Variants in DNAH12 observed in about 807,000 individuals in gnomAD.
DNAH12 encodes the protein axonemal beta dynein heavy chain 12.
A neutral mutation model predicts 371.5 loss-of-function variants in DNAH12; 285 were observed. The observed-to-expected ratio is 0.77, with a 90% CI of 0.70 to 0.85. The LOEUF is 0.85. DNAH12 is among the 40% of genes least tolerant of loss of function. The probability of loss-of-function intolerance (pLI) is 0.00; values close to 1 mark genes in which losing one functional copy is unlikely to be tolerated. For missense variants in DNAH12, 3,611 were observed against 3,689.4 expected, an observed-to-expected ratio of 0.98 and a Z score of 0.55; for synonymous variants, 1,200 against 1,213.0, an observed-to-expected ratio of 0.99 and a Z score of 0.22.
At chr3:57,331,650 A>T (rs1232836415) in intron 62 of DNAH12, among the ~76,000 whole-genome samples, 1 of 152,190 alleles carries the variant, frequency 6.6e-6, no homozygotes, top group Non-Finnish European at 1.5e-5. Context: ...AAAAAGAAGG[A>T]AGAAACGAAG....
At position 57,483,397 on chromosome 3, in the gene DNAH12, T is replaced by G. The variant is rs2066817739; in HGVS notation, c.1629A>C (p.Glu543Asp). ...TTACCTGGATCCTTAAAATCAACTC[T>G]TCGATTCCTACAGTCCGGGCTTTTT... ...YVEKARTVGI[E>D]ELILRIQESK... The change falls in exon 13 of 74, where the codon GAA (glutamate) becomes GAC (aspartate). Residue 543 changes from glutamate to aspartate, a missense_variant. By Grantham distance (45) the Glu-to-Asp change is conservative (BLOSUM62 2). This residue lies in a region of DNAH12 where 1,314 missense variants were observed against 1,398.7 expected (regional missense o/e 0.94). Coordinates refer to ENST00000495027, the MANE Select transcript of DNAH12 (RefSeq NM_001366028.2). 24 of 1,546,798 alleles carry G rather than the reference T, an allele frequency of 1.6e-5. No individual in the cohort carries two copies. The highest frequency in any genetic ancestry group is 2.1e-5 in the Non-Finnish European group (24 of 1,145,942).
chr3:57,512,557 A>G (rs980326991), intron 4 of DNAH12: 3 of 152,238 alleles, frequency 2.0e-5, no homozygotes, highest in Admixed American at 6.5e-5. Flanking sequence ...CATATTTTTG[A>G]AACAGTAGAT....
intron 43 of DNAH12, among the ~76,000 whole-genome samples, chr3:57,396,290 CA>C (rs1159748997): frequency 3.7e-3 from 257 of 68,744 alleles, no homozygotes; most frequent in African/African-American, 8.6e-3. Flanking sequence ...AAAAAAAAAA[CA>C]AAAAAAAAAA....
chr3:57,498,925 G>C (rs1344711805), intron 11 of DNAH12, among the ~76,000 whole-genome samples: 1 of 152,064 alleles, frequency 6.6e-6, no homozygotes, highest in Non-Finnish European at 1.5e-5. Context: ...CTTGAACCTG[G>C]GAGGCGGAGG....
chr3:57,504,178 T>C lies in DNAH12; in HGVS notation c.924A>G (p.Val308=), dbSNP rs1356265899. 1 of 1,613,416 alleles carries C rather than the reference T, an allele frequency of 6.2e-7. No homozygotes were observed. Among genetic ancestry groups the C allele is most frequent in the Non-Finnish European group, 8.5e-7 (1 of 1,179,648 alleles). The change falls in exon 9 of 74, where the codon GTA becomes GTG. Residue 308 remains valine, a synonymous_variant. Coordinates refer to ENST00000495027, the MANE Select transcript of DNAH12 (RefSeq NM_001366028.2). ...GGTCAAAGAGTTTTACAAATCCTTC[T>C]ACAGTTCTCCTTAATAGATCCTTTA... is the stretch of plus-strand genomic sequence containing the variant. ...NQLKDLLRRT[V]EGFVKLFDPK... is the part of the protein sequence containing the mutation.
Position 57,472,594 on chromosome 3 carries a change from G to A in DNAH12, c.1728C>T (p.Val576=). The A allele has an allele frequency of 1.2e-5, 19 of 1,549,174 alleles. No homozygotes were observed. Among genetic ancestry groups the A allele is most frequent in the East Asian group, 7.4e-5 (3 of 40,782 alleles). ...PQEDLALNAT[V]LMWPRKINPI... is the part of the protein sequence containing the mutation. ...GATTAATTTTCCTAGGCCACATGAG[G>A]ACAGTTGCATTTAAAGCTAAGTCTT... Residue 576 remains valine, a synonymous_variant, in exon 14 of 74, where the codon GTC becomes GTT. Transcript: ENST00000495027.
Position 57,296,385 on chromosome 3 carries a change from G to A in DNAH12, c.11583C>T (p.Ile3861=). ...GTGCGCCATCGAGATACAGTCCGTGGATATAAACACCATCTTCTGGTGATG... is the reference window on the plus strand; with the variant it reads ...GTGCGCCATCGAGATACAGTCCGTGAATATAAACACCATCTTCTGGTGATG... ...SDTSPEDGVY[I]HGLYLDGARW... The change falls in exon 72 of 74, where the codon ATC becomes ATT. Residue 3861 remains isoleucine (I), a synonymous_variant. Coordinates refer to ENST00000495027, the MANE Select transcript of DNAH12 (RefSeq NM_001366028.2). 6.4e-7 allele frequency: 1 copy of A among 1,550,956 alleles called. No individual in the cohort carries two copies.
chr3:57,455,544 T>G (rs2065879472), intron 22 of DNAH12, among the ~76,000 whole-genome samples: 1 of 151,790 alleles, frequency 6.6e-6, no homozygotes, highest in South Asian at 2.1e-4. Context: ...CACTCCAGCC[T>G]GGGCAACAGA....
chr3:57,474,751 G>C (rs2066470602), intron 13 of DNAH12, among the ~76,000 whole-genome samples: 12 of 152,176 alleles, frequency 7.9e-5, no homozygotes, highest in Admixed American at 7.9e-4. Flanking sequence ...GAGGTCAAGA[G>C]ATGGAGACCA....
intron 29 of DNAH12, among the ~76,000 whole-genome samples, chr3:57,439,955 T>G (rs771834306): frequency 2.0e-5 from 3 of 151,834 alleles, no homozygotes; most frequent in Non-Finnish European, 4.4e-5. Context: ...GTCAGAGAAA[T>G]GCAAATCAAA....
chr3:57,429,650 A>G, intron 33 of DNAH12, 41 bp downstream of exon 33: 4 of 1,488,760 alleles, frequency 2.7e-6, no homozygotes, highest in Non-Finnish European at 3.6e-6. Flanking sequence ...TAAAGAATGA[A>G]GAAATGAACA....
intron 70 of DNAH12, 44 bp downstream of exon 70, chr3:57,301,677 TACACACACACACAC>T (rs57748737): frequency 0.14 from 161,281 of 1,146,596 alleles, 7,728 homozygotes; most frequent in Middle Eastern, 0.21. Flanking sequence ...ACATGTATTT[TACACACACACACAC>T]ACACACACAC....
chr3:57,301,914 G>C lies in DNAH12; in HGVS notation c.11215C>G (p.Leu3739Val), dbSNP rs2061356429. ...TTAATAGCTTTTTCAAGGTCCCGTA[G>C]AGTGTTACGTATAGTTATAATTAAA... ...NNLIITIRNT[L>V]RDLEKAIKGV... The change falls in exon 70 of 74, where the codon CTA becomes GTA. Residue 3739 changes from leucine to valine, a missense_variant. By Grantham distance (32) the Leu-to-Val change is conservative. This residue lies in a region of DNAH12 where 2,266 missense variants were observed against 2,236.9 expected (regional missense o/e 1.01). Transcript: ENST00000495027. The C allele has an allele frequency of 1.9e-6, 3 of 1,551,588 alleles. 1 individual carries two copies. The highest frequency in any genetic ancestry group is 2.4e-5 in the South Asian group (2 of 84,052).
intron 2 of DNAH12, among the ~76,000 whole-genome samples, chr3:57,528,742 A>G (rs1311338257): frequency 6.6e-6 from 1 of 151,388 alleles, no homozygotes; most frequent in Non-Finnish European, 1.5e-5. Flanking sequence ...AAAAAAAACA[A>G]TATTAATTCT....
intron 40 of DNAH12, among the ~76,000 whole-genome samples, chr3:57,407,500 G>A (rs2064075484): frequency 6.6e-6 from 1 of 152,154 alleles, no homozygotes; most frequent in Non-Finnish European, 1.5e-5. Flanking sequence ...TGAAACAAGG[G>A]GAGAATTTTA....
chr3:57,361,466 ATATATC>A lies in DNAH12; in HGVS notation c.9360+2122_9360+2127del, dbSNP rs1203202401. Among the ~76,000 whole-genome samples, 95 of 144,530 alleles carry A rather than the reference ATATATC, an allele frequency of 6.6e-4. 7 individuals carry two copies. Among genetic ancestry groups the A allele is most frequent in the African/African-American group, 2.4e-3 (91 of 37,388 alleles). 94.8% of individuals were successfully genotyped at this position (144,530 alleles called of 152,430 possible). On this transcript the variant is annotated intron_variant, in intron 58 of 73. Transcript: ENST00000495027. ...ACACTATATATATATATATATATAT[ATATATC>A]TCATTCAGCTCTGTTAGGTGAATTT...
intron 25 of DNAH12, among the ~76,000 whole-genome samples, chr3:57,452,615 C>A (rs549792205): frequency 3.3e-5 from 5 of 152,296 alleles, no homozygotes; most frequent in African/African-American, 9.6e-5. Context: ...TTCTAATTAT[C>A]CCCCATCGGA....
intron 38 of DNAH12, among the ~76,000 whole-genome samples, chr3:57,414,159 GTT>G (rs34151274): frequency 6.6e-6 from 1 of 151,480 alleles, no homozygotes; most frequent in Admixed American, 6.6e-5. Flanking sequence ...TTATGTGTGT[GTT>G]TTTATTTATT....
At chr3:57,534,687 T>C (rs2068969364) in intron 2 of DNAH12, among the ~76,000 whole-genome samples, 1 of 152,072 alleles carries the variant, frequency 6.6e-6, no homozygotes, top group Non-Finnish European at 1.5e-5. Context: ...TTTTGTATTT[T>C]TAGTAGAGAT....
Sources: allele counts gnomAD v4.1 joint callset (sites outside exome capture counted in the v4.1 genomes callset), GRCh38; gene constraint gnomAD v4.1.1; regional missense constraint gnomAD v4.1.1; transcripts MANE v1.5; gene names NCBI Gene and HGNC (gene_info 2026-07-23, HGNC 2026-07-21).